CHRNB3: variants seen among roughly 807,000 people sequenced by gnomAD.
CHRNB3 encodes the protein neuronal acetylcholine receptor subunit beta-3.
CHRNB3 carries 37 observed loss-of-function variants against 40.6 expected under a neutral mutation model. The ratio of observed to expected loss-of-function variants is 0.91; its 90% CI spans 0.70 to 1.20. The LOEUF (loss-of-function observed/expected upper bound fraction) is 1.20, where lower values mean the gene tolerates loss of function less well. CHRNB3 is among the 50% of genes most tolerant of loss of function. CHRNB3 has a pLI of 0.00. For missense variants in CHRNB3, 505 were observed against 551.2 expected, an observed-to-expected ratio of 0.92 and a Z score of 0.84; for synonymous variants, 207 against 207.1, an observed-to-expected ratio of 1.00 and a Z score of 0.00.
intron 3 of CHRNB3, among the ~76,000 whole-genome samples, chr8:42,716,829 G>A (rs916004564): frequency 9.2e-5 from 14 of 152,044 alleles, no homozygotes; most frequent in Admixed American, 2.0e-4. Context: ...CCTGAGCTGG[G>A]CGCTGTTGCA....
intron 3 of CHRNB3, among the ~76,000 whole-genome samples, chr8:42,721,094 C>G (rs1372157717): frequency 3.9e-5 from 6 of 152,248 alleles, no homozygotes; most frequent in African/African-American, 1.4e-4. Context: ...CAAGTCTGTG[C>G]CTGTCCCCAG....
chr8:42,725,952 G>T, intron 3 of CHRNB3: 2 of 1,078,450 alleles, frequency 1.9e-6, no homozygotes, highest in Non-Finnish European at 2.8e-6. Context: ...CAATCCTTTC[G>T]ATGCGTACAA....
chr8:42,734,874 T>C (rs993826955), intron 5 of CHRNB3, among the ~76,000 whole-genome samples: 36 of 152,146 alleles, frequency 2.4e-4, no homozygotes, highest in Non-Finnish European at 5.0e-4. Context: ...CAAGAAACAT[T>C]CAGCTGTCAA....
chr8:42,720,111 C>T (rs1486600108), intron 3 of CHRNB3, among the ~76,000 whole-genome samples: 2 of 48,812 alleles, frequency 4.1e-5, no homozygotes, highest in East Asian at 7.2e-4. Context: ...CAGAAGCCTT[C>T]TTTTTTTTTT....
At chr8:42,728,443 C>G (rs2128908225) in intron 3 of CHRNB3, among the ~76,000 whole-genome samples, 1 of 152,088 alleles carries the variant, frequency 6.6e-6, no homozygotes, top group Non-Finnish European at 1.5e-5. Context: ...GCAGAAGGAT[C>G]ACTTGAGCCC....
intron 3 of CHRNB3, among the ~76,000 whole-genome samples, chr8:42,714,029 G>A (rs367844306): frequency 6.6e-6 from 1 of 152,192 alleles, no homozygotes; most frequent in African/African-American, 2.4e-5. Context: ...CACAGATTGA[G>A]TTTGGAGTGG....
rs57802101 is a variant in CHRNB3, at chr8:42,726,304, G to A, written c.250-4290G>A. 2,259 of 574,296 alleles carry A rather than the reference G, an allele frequency of 3.9e-3. 47 individuals carry two copies. Among genetic ancestry groups the A allele is most frequent in the African/African-American group, 0.038 (2,051 of 53,478 alleles). The allele number at this position is 574,296 out of a possible 1,614,324, so 35.6% of individuals were successfully genotyped here. A position where few individuals can be genotyped will look rare whatever the true frequency, so the allele number is the denominator to read the frequency against. On this transcript the variant is annotated intron_variant, in intron 3 of 5. Transcript: ENST00000289957. ...AGTCAAAGTTATTCAGATTGGAAAGGAAGAAATAAAACGCTCCACTTGCAA... is the reference window on the plus strand; with the variant it reads ...AGTCAAAGTTATTCAGATTGGAAAGAAAGAAATAAAACGCTCCACTTGCAA...
intron 5 of CHRNB3, among the ~76,000 whole-genome samples, chr8:42,734,766 A>C (rs1435825425): frequency 6.6e-6 from 1 of 151,992 alleles, no homozygotes; most frequent in East Asian, 1.9e-4. Flanking sequence ...TTGCGTTCAC[A>C]GACACTGCCT....
At chr8:42,699,925 A>G (rs1815752495) in intron 1 of CHRNB3, among the ~76,000 whole-genome samples, 1 of 147,090 alleles carries the variant, frequency 6.8e-6, no homozygotes, top group Non-Finnish European at 1.5e-5. Flanking sequence ...TAGTGGAAGG[A>G]AGAAACAAAA....
intron 3 of CHRNB3, among the ~76,000 whole-genome samples, chr8:42,721,555 C>G (rs1816218068): frequency 6.6e-6 from 1 of 151,998 alleles, no homozygotes; most frequent in South Asian, 2.1e-4. Flanking sequence ...AAAACTCTGT[C>G]TCTACAAAAA....
rs1370308772 is a variant in CHRNB3 at position 42,699,377 on chromosome 8, CAATA to C, written c.52+1784_52+1787del. 4 of 152,234 alleles carry C rather than the reference CAATA, an allele frequency of 2.6e-5. No individual in the cohort carries two copies. The East Asian group carries it at 7.7e-4, about 29-fold the overall frequency. The allele number at this position is 152,234 out of a possible 1,614,324, so 9.4% of individuals were successfully genotyped here. Reference sequence around the variant, plus strand: ...ATAAGACACAATGTGTTTATTCATTCAATAAATACTTATTGAGCATCTACTGTAT... The same window carrying C: ...ATAAGACACAATGTGTTTATTCATTCAATACTTATTGAGCATCTACTGTAT... On this transcript the variant is annotated intron_variant, in intron 1 of 5. Coordinates refer to ENST00000289957, the MANE Select transcript of CHRNB3 (RefSeq NM_000749.5).
chr8:42,716,092 C>T (rs185265484), intron 3 of CHRNB3, among the ~76,000 whole-genome samples: 71 of 148,218 alleles, frequency 4.8e-4, no homozygotes, highest in Non-Finnish European at 7.6e-4. Flanking sequence ...AATTCTGCTT[C>T]AGCCTCCCGA....
chr8:42,734,971 A>G (rs1235114491), intron 5 of CHRNB3, among the ~76,000 whole-genome samples: 2 of 152,100 alleles, frequency 1.3e-5, no homozygotes, highest in Admixed American at 1.3e-4. Context: ...CTGTAATCCC[A>G]GCACTTTGGG....
chr8:42,716,031 C>T (rs375238232), intron 3 of CHRNB3, among the ~76,000 whole-genome samples: 16 of 137,926 alleles, frequency 1.2e-4, no homozygotes, highest in South Asian at 2.3e-4. Flanking sequence ...CAGGCTGGAG[C>T]GCAGTGGCAT....
intron 1 of CHRNB3, among the ~76,000 whole-genome samples, chr8:42,705,395 A>G (rs2128904749): frequency 6.6e-6 from 1 of 152,304 alleles, no homozygotes; most frequent in Non-Finnish European, 1.5e-5. Context: ...CCAACGCAGT[A>G]GTGTTGGGAG....
intron 1 of CHRNB3, 120 bp from the exon 2 acceptor site, chr8:42,708,592 ACTGGG>A: frequency 1.9e-6 from 2 of 1,038,060 alleles, no homozygotes; most frequent in Non-Finnish European, 2.8e-6. Flanking sequence ...CCTTTCAGGA[ACTGGG>A]CTGTTTAGAA....
chr8:42,715,854 C>T (rs1816089688), intron 3 of CHRNB3, among the ~76,000 whole-genome samples: 1 of 151,934 alleles, frequency 6.6e-6, no homozygotes, highest in Admixed American at 6.6e-5. Flanking sequence ...ATATTGTTAA[C>T]ATTGACTCAC....
At chr8:42,722,685 CA>C (rs1206424327) in intron 3 of CHRNB3, among the ~76,000 whole-genome samples, 1 of 152,144 alleles carries the variant, frequency 6.6e-6, no homozygotes, top group African/African-American at 2.4e-5. Context: ...CTTCAGCCTC[CA>C]AAGTAGTTGG....
intron 3 of CHRNB3, among the ~76,000 whole-genome samples, chr8:42,711,511 C>T (rs914821524): frequency 2.0e-5 from 3 of 151,816 alleles, no homozygotes; most frequent in African/African-American, 7.3e-5. Context: ...TCTTGTGCCT[C>T]AGCCTCCTAA....
Sources: gnomAD v4.1 joint callset for allele counts (sites outside exome capture counted in the v4.1 genomes callset) on GRCh38, gnomAD v4.1.1 for gene constraint, MANE v1.5 for transcripts, NCBI Gene and HGNC (gene_info 2026-07-23, HGNC 2026-07-21) for gene names.